Variants in AHCY observed in about 807,000 individuals in gnomAD.
The protein encoded by AHCY is S-adenosyl-L-homocysteine hydrolase.
A neutral mutation model predicts 45.4 loss-of-function variants in AHCY; 24 were observed. The observed-to-expected ratio is 0.53, with a 90% CI of 0.38 to 0.74. AHCY has a LOEUF of 0.74. Ranked by LOEUF, AHCY falls within the 30% of genes least tolerant of loss-of-function variation. The probability of loss-of-function intolerance (pLI) is 0.00; values close to 1 mark genes in which losing one functional copy is unlikely to be tolerated. For synonymous variants in AHCY, 245 were observed against 235.1 expected (o/e 1.04, Z -0.39); for missense variants, 449 against 594.1 (o/e 0.76, Z 2.54).
At chr20:34,245,954 C>A in the AHCY span, 1 of 1,515,406 alleles carries the variant, frequency 6.6e-7, no homozygotes, top group Non-Finnish European at 9.1e-7. Context: ...TTTTCAAATT[C>A]ACTTCTTTAC....
upstream of AHCY, among the ~76,000 whole-genome samples, chr20:34,305,592 A>G (rs1044534860): frequency 1.3e-5 from 2 of 152,180 alleles, no homozygotes; most frequent in African/African-American, 4.8e-5. Flanking sequence ...TTGTCCTACG[A>G]GAACAGAAAA....
the AHCY span, among the ~76,000 whole-genome samples, chr20:34,273,222 CTTTT>C: frequency 7.1e-6 from 1 of 141,366 alleles, no homozygotes. Context: ...TGTGGTGACC[CTTTT>C]TTTTTTTTTT....
the AHCY span, among the ~76,000 whole-genome samples, chr20:34,267,172 A>C: frequency 6.6e-6 from 1 of 152,324 alleles, no homozygotes; most frequent in South Asian, 2.1e-4. Context: ...CCTTGGTCTC[A>C]TGGAGTTTAC....
In AHCY at chr20:34,303,241, A is replaced by T; in HGVS notation, c.28+2T>A. The T allele has an allele frequency of 6.4e-7, 1 of 1,551,532 alleles. No individual in the cohort carries two copies. The highest frequency in any genetic ancestry group is 8.7e-7 in the Non-Finnish European group (1 of 1,146,902). On this transcript the variant is annotated splice_donor_variant, in intron 1 of 9. Coordinates refer to ENST00000217426, the MANE Select transcript of AHCY (RefSeq NM_000687.4). LOFTEE classifies it high-confidence loss of function. Reference sequence around the variant, plus strand: ...CAACCGGCTGCAGGTCCTGGGACTCACCGACTTTGTAGGGCAGTTTGTCAG... The same window carrying T: ...CAACCGGCTGCAGGTCCTGGGACTCTCCGACTTTGTAGGGCAGTTTGTCAG...
chr20:34,265,670 C>G, the AHCY span, among the ~76,000 whole-genome samples: 1 of 152,072 alleles, frequency 6.6e-6, no homozygotes, highest in Non-Finnish European at 1.5e-5. Flanking sequence ...GTAAAGTTGG[C>G]CGGGCACAGT....
At chr20:34,299,339 A>T (rs1230707743) in intron 1 of AHCY, among the ~76,000 whole-genome samples, 3 of 152,224 alleles carry the variant, frequency 2.0e-5, no homozygotes, top group Non-Finnish European at 4.4e-5. Context: ...TGTTTCTACC[A>T]GCAGCACAGA....
intron 3 of AHCY, chr20:34,293,647 C>T (rs2036476070): frequency 8.9e-6 from 3 of 338,374 alleles, no homozygotes; most frequent in South Asian, 7.1e-5. Flanking sequence ...CTCCCCAAGT[C>T]CAAGCAGACA....
chr20:34,242,029 T>C, the AHCY span, among the ~76,000 whole-genome samples: 1 of 152,176 alleles, frequency 6.6e-6, no homozygotes, highest in Admixed American at 6.5e-5. Flanking sequence ...ATTCACACAT[T>C]TTAATGCCCA....
At chr20:34,297,095 G>A (rs184755443) in intron 1 of AHCY, among the ~76,000 whole-genome samples, 1 of 152,044 alleles carries the variant, frequency 6.6e-6, no homozygotes, top group Non-Finnish European at 1.5e-5. Flanking sequence ...GCTCCAACAA[G>A]GCTGTGGCCT....
At chr20:34,245,939 A>T in the AHCY span, 7 of 1,532,348 alleles carry the variant, frequency 4.6e-6, no homozygotes, top group Non-Finnish European at 6.2e-6. Context: ...TTAAATACAG[A>T]CAAATTTTCA....
At chr20:34,238,279 G>A in the AHCY span, among the ~76,000 whole-genome samples, 1 of 152,066 alleles carries the variant, frequency 6.6e-6, no homozygotes, top group East Asian at 1.9e-4. Context: ...ACTTCTGAGA[G>A]AATGCATATG....
intron 1 of AHCY, among the ~76,000 whole-genome samples, chr20:34,299,114 C>G (rs2036684537): frequency 6.6e-6 from 1 of 152,116 alleles, no homozygotes; most frequent in African/African-American, 2.4e-5. Context: ...TCTCTTGTCT[C>G]TTTGTCTTGT....
the AHCY span, among the ~76,000 whole-genome samples, chr20:34,252,655 G>A: frequency 1.3e-5 from 2 of 152,082 alleles, no homozygotes; most frequent in East Asian, 1.9e-4. Flanking sequence ...CTGCAAAGAG[G>A]CCTCCCTCTT....
chr20:34,245,441 T>G, the AHCY span, among the ~76,000 whole-genome samples: 8 of 149,070 alleles, frequency 5.4e-5, no homozygotes, highest in Admixed American at 5.4e-4. Flanking sequence ...CAGGTTGGAG[T>G]GCAATGGCAG....
chr20:34,270,667 G>C, the AHCY span, among the ~76,000 whole-genome samples: 1 of 152,206 alleles, frequency 6.6e-6, no homozygotes, highest in Non-Finnish European at 1.5e-5. Flanking sequence ...TGTGTATTGA[G>C]CACCTAGTGT....
chr20:34,289,755 G>A (rs965246137), intron 8 of AHCY, among the ~76,000 whole-genome samples: 1 of 152,054 alleles, frequency 6.6e-6, no homozygotes, highest in Non-Finnish European at 1.5e-5. Flanking sequence ...TGGGATTACA[G>A]GCATGAGCTA....
chr20:34,270,006 T>C, the AHCY span, among the ~76,000 whole-genome samples: 1 of 136,730 alleles, frequency 7.3e-6, no homozygotes, highest in East Asian at 2.1e-4. Context: ...AATCCGAGGC[T>C]GGACGATCAC....
At chr20:34,245,959 CT>C in the AHCY span, 2 of 1,494,002 alleles carry the variant, frequency 1.3e-6, no homozygotes, top group Non-Finnish European at 1.8e-6. Flanking sequence ...AAATTCACTT[CT>C]TTACTTCTCC....
the AHCY span, among the ~76,000 whole-genome samples, chr20:34,270,745 G>A: frequency 6.6e-6 from 1 of 152,198 alleles, no homozygotes; most frequent in Non-Finnish European, 1.5e-5. Context: ...GAGCTTATGG[G>A]CCAGTGACCC....
Sources: allele counts gnomAD v4.1 joint callset (sites outside exome capture counted in the v4.1 genomes callset), GRCh38; gene constraint gnomAD v4.1.1; transcripts MANE v1.5; gene names NCBI Gene and HGNC (gene_info 2026-07-23, HGNC 2026-07-21).